The following MARCHF6 variants were observed in gnomAD, a reference collection of about 807,000 sequenced individuals.
The protein encoded by MARCHF6 is E3 ubiquitin-protein ligase MARCHF6.
A neutral mutation model predicts 133.7 loss-of-function variants in MARCHF6; 31 were observed. The observed-to-expected ratio is 0.23, with a 90% CI of 0.17 to 0.31. The LOEUF is 0.31. MARCHF6 is among the 10% of genes least tolerant of loss of function. MARCHF6 has a pLI of 1.00. For synonymous variants in MARCHF6, 395 were observed against 402.5 expected, an observed-to-expected ratio of 0.98 and a Z score of 0.22; for missense variants, 723 against 1,121.6, an observed-to-expected ratio of 0.64 and a Z score of 5.08.
At chr5:10,413,682 A>C (rs1255193930) in intron 19 of MARCHF6, among the ~76,000 whole-genome samples, 1 of 152,214 alleles carries the variant, frequency 6.6e-6, no homozygotes, top group Non-Finnish European at 1.5e-5. Flanking sequence ...GAGCAAAGTC[A>C]TGTCTTACAT....
intron 1 of MARCHF6, among the ~76,000 whole-genome samples, chr5:10,361,890 A>C (rs1057506326): frequency 2.0e-5 from 3 of 151,870 alleles, no homozygotes; most frequent in Admixed American, 6.6e-5. Context: ...CAGCCTCCCG[A>C]GTAGCTGGGA....
At chr5:10,389,520 A>G (rs1030590943) in intron 5 of MARCHF6, among the ~76,000 whole-genome samples, 3 of 152,078 alleles carry the variant, frequency 2.0e-5, no homozygotes, top group Non-Finnish European at 4.4e-5. Flanking sequence ...ATCCTGCCTC[A>G]GCCTCCCGAG....
At chr5:10,354,423 T>G (rs1378863406) in intron 1 of MARCHF6, among the ~76,000 whole-genome samples, 1 of 152,170 alleles carries the variant, frequency 6.6e-6, no homozygotes, top group African/African-American at 2.4e-5. Context: ...TGACCCCTGT[T>G]GAAAAGCCTG....
At chr5:10,361,856 T>A (rs1735849408) in intron 1 of MARCHF6, among the ~76,000 whole-genome samples, 1 of 152,052 alleles carries the variant, frequency 6.6e-6, no homozygotes, top group East Asian at 1.9e-4. Context: ...CTCCGCCTCC[T>A]GGATTCAAGG....
intron 9 of MARCHF6, among the ~76,000 whole-genome samples, 200 bp from the exon 10 acceptor site, chr5:10,397,093 A>T (rs528862487): frequency 6.6e-6 from 1 of 152,134 alleles, no homozygotes; most frequent in Admixed American, 6.6e-5. Context: ...TTTGAGTTTT[A>T]TTAGGCTTAG....
rs201911419 is a variant in MARCHF6, at chr5:10,394,799, ATTTTTTT to A, written c.861+26_861+32del. 45 of 1,242,858 alleles carry A rather than the reference ATTTTTTT, an allele frequency of 3.6e-5. No individual in the cohort carries two copies. The African/African-American group carries it at 6.8e-4, about 19-fold the overall frequency. The allele number at this position is 1,242,858 out of a possible 1,614,324, so 77.0% of individuals were successfully genotyped here. On this transcript the variant is annotated intron_variant, in intron 9 of 25. Coordinates refer to ENST00000274140, the MANE Select transcript of MARCHF6 (RefSeq NM_005885.4). ...CTAGTTTTTCTGGTAAGTAAAACTA[ATTTTTTT>A]TTTTTTTTTTTGAGACGGAATCTCA... is the stretch of plus-strand genomic sequence containing the variant.
chr5:10,415,518 G>T lies in MARCHF6; in HGVS notation c.1997G>T (p.Trp666Leu). Residue 666 changes from tryptophan (W) to leucine (L), a missense_variant, in exon 21 of 26, where the codon TGG becomes TTG. By Grantham distance (61) the Trp-to-Leu change is moderately conservative (BLOSUM62 -2). Around this residue, in one of 4 missense-constraint regions of MARCHF6, gnomAD observed 492 missense variants for 699.5 expected, o/e 0.70. Coordinates refer to ENST00000274140, the MANE Select transcript of MARCHF6 (RefSeq NM_005885.4). ...GCTGGCCGTTGGTTAATGTCGTTTT[G>T]GACGGGGACTGCCAAAATCCATGAG... ...VFAGRWLMSFWTGTAKIHELY... is the reference protein window; with the variant it reads ...VFAGRWLMSFLTGTAKIHELY... The T allele has an allele frequency of 6.2e-7, 1 of 1,602,128 alleles. No individual in the cohort carries two copies. The highest frequency in any genetic ancestry group is 1.1e-5 in the South Asian group (1 of 89,794).
chr5:10,400,758 T>TCATGAAAATTC, intron 10 of MARCHF6, 26 bp from the exon 11 acceptor site: 1 of 1,569,082 alleles, frequency 6.4e-7, no homozygotes, highest in Non-Finnish European at 8.8e-7. Flanking sequence ...GTCGGAGTTT[T>TCATGAAAATTC]CATGGAATTT....
chr5:10,423,678 G>A, intron 22 of MARCHF6, 57 bp from the exon 23 acceptor site: 1 of 1,161,140 alleles, frequency 8.6e-7, no homozygotes, highest in Non-Finnish European at 1.3e-6. Context: ...CAGCCTCTCT[G>A]CTGTGTTTAT....
chr5:10,408,651 A>C (rs1739046612), intron 17 of MARCHF6, among the ~76,000 whole-genome samples: 6 of 152,072 alleles, frequency 3.9e-5, no homozygotes, highest in Admixed American at 3.9e-4. Context: ...TGATCTTCCC[A>C]CTTCAGCGTC....
intron 1 of MARCHF6, 123 bp downstream of exon 1, chr5:10,354,040 T>C (rs961376892): frequency 3.0e-6 from 3 of 1,004,344 alleles, no homozygotes; most frequent in Non-Finnish European, 4.1e-6. Context: ...GGGCCGTTTG[T>C]CCACCCGCTG....
chr5:10,406,571 G>C (rs1383500403), intron 16 of MARCHF6, among the ~76,000 whole-genome samples: 1 of 151,930 alleles, frequency 6.6e-6, no homozygotes, highest in Admixed American at 6.5e-5. Flanking sequence ...TGTATTTTTA[G>C]TAGATGCGGG....
At chr5:10,358,680 GA>G (rs897609063) in intron 1 of MARCHF6, among the ~76,000 whole-genome samples, 2 of 151,926 alleles carry the variant, frequency 1.3e-5, no homozygotes, top group Non-Finnish European at 2.9e-5. Context: ...TAAATATATT[GA>G]AAAAAATTTT....
intron 1 of MARCHF6, among the ~76,000 whole-genome samples, chr5:10,370,003 A>G (rs1736371929): frequency 6.8e-6 from 1 of 147,838 alleles, no homozygotes; most frequent in Non-Finnish European, 1.5e-5. Flanking sequence ...GGTTAAATAT[A>G]TATTAGTAGG....
intron 1 of MARCHF6, among the ~76,000 whole-genome samples, chr5:10,366,442 T>C (rs1736142637): frequency 1.3e-5 from 2 of 152,262 alleles, no homozygotes; most frequent in East Asian, 1.9e-4. Flanking sequence ...TTCAGCCAGA[T>C]GAACAAGGTC....
rs759124953 is a variant in MARCHF6, at chr5:10,387,102, T to C, written c.407+36T>C. 18 of 1,454,714 alleles carry C rather than the reference T, an allele frequency of 1.2e-5. No homozygotes were observed. In the African/African-American group the frequency reaches 2.4e-4, roughly 19 times the overall value. 90.1% of individuals were successfully genotyped at this position (1,454,714 alleles called of 1,614,324 possible). A position where few individuals can be genotyped will look rare whatever the true frequency, so the allele number is the denominator to read the frequency against. ...AACCTCTGTGACGAATGTTGCATGATGTAGATGATGCTTGCTTTTTTCCTT... is the reference window on the plus strand; with the variant it reads ...AACCTCTGTGACGAATGTTGCATGACGTAGATGATGCTTGCTTTTTTCCTT... On this transcript the variant is annotated intron_variant, in intron 5 of 25. Coordinates refer to ENST00000274140, the MANE Select transcript of MARCHF6 (RefSeq NM_005885.4).
intron 16 of MARCHF6, among the ~76,000 whole-genome samples, chr5:10,406,688 T>C (rs1279256825): frequency 5.3e-5 from 8 of 152,184 alleles, no homozygotes; most frequent in Admixed American, 2.0e-4. Context: ...AATCTAAGTT[T>C]TTCTAAAATA....
intron 5 of MARCHF6, among the ~76,000 whole-genome samples, chr5:10,388,882 A>T (rs967805882): frequency 2.0e-5 from 3 of 152,192 alleles, no homozygotes; most frequent in Non-Finnish European, 2.9e-5. Flanking sequence ...ATCTGTAACA[A>T]ACAGTTAGGA....
intron 22 of MARCHF6, 104 bp downstream of exon 22, chr5:10,417,508 G>A (rs1739576202): frequency 1.4e-6 from 2 of 1,453,792 alleles, no homozygotes; most frequent in Non-Finnish European, 1.9e-6. Context: ...CACTTTGGGA[G>A]GCTGAGGTGG....
Sources: gnomAD v4.1 joint callset for allele counts (sites outside exome capture counted in the v4.1 genomes callset) on GRCh38, gnomAD v4.1.1 for gene constraint, gnomAD v4.1.1 regional missense constraint, MANE v1.5 for transcripts, NCBI Gene and HGNC (gene_info 2026-07-23, HGNC 2026-07-21) for gene names.